Variants in CYRIB observed in about 807,000 individuals in gnomAD.
The protein encoded by CYRIB is CYFIP related Rac1 interactor B.
Under a neutral mutation model 44.2 loss-of-function variants are expected in CYRIB, and 8 were observed. The ratio of observed to expected loss-of-function variants is 0.18; its 90% CI spans 0.11 to 0.33. CYRIB has a LOEUF of 0.33. Ranked by LOEUF, CYRIB falls within the 10% of genes least tolerant of loss-of-function variation. CYRIB has a pLI of 1.00. For missense variants in CYRIB, 185 were observed against 382.8 expected, an observed-to-expected ratio of 0.48 and a Z score of 4.31; for synonymous variants, 131 against 127.2, an observed-to-expected ratio of 1.03 and a Z score of -0.20.
chr8:129,986,596 G>C (rs1047330070), intron 1 of CYRIB, among the ~76,000 whole-genome samples: 1 of 152,144 alleles, frequency 6.6e-6, no homozygotes, highest in Non-Finnish European at 1.5e-5. Flanking sequence ...AAGAGGAAGA[G>C]AGACCTGAGC....
intron 2 of CYRIB, among the ~76,000 whole-genome samples, chr8:129,896,510 A>T (rs1232913238): frequency 6.6e-6 from 1 of 152,236 alleles, no homozygotes; most frequent in Non-Finnish European, 1.5e-5. Context: ...GGTGTTTCCC[A>T]TGTTCTTATG....
At chr8:129,956,682 T>C (rs1288501647) in intron 2 of CYRIB, among the ~76,000 whole-genome samples, 2 of 152,180 alleles carry the variant, frequency 1.3e-5, no homozygotes, top group African/African-American at 4.8e-5. Context: ...AACCAATTGA[T>C]CACCCCTGCA....
intron 1 of CYRIB, among the ~76,000 whole-genome samples, chr8:129,905,376 C>A (rs1314838052): frequency 6.6e-6 from 1 of 152,178 alleles, no homozygotes; most frequent in Admixed American, 6.5e-5. Context: ...TGCCACCATT[C>A]CCCGCTAATT....
chr8:129,950,898 C>T (rs1424155084), intron 2 of CYRIB, among the ~76,000 whole-genome samples: 1 of 152,202 alleles, frequency 6.6e-6, no homozygotes, highest in Non-Finnish European at 1.5e-5. Context: ...TGCTTTGCTA[C>T]TTGGGGGCAG....
chr8:129,943,802 T>C (rs2093929807), upstream of CYRIB, among the ~76,000 whole-genome samples: 1 of 148,598 alleles, frequency 6.7e-6, no homozygotes, highest in Non-Finnish European at 1.5e-5. Context: ...GGTTTCACCG[T>C]GTTAGCCAGG....
chr8:129,867,852 T>G (rs2054652215), intron 4 of CYRIB, among the ~76,000 whole-genome samples: 1 of 152,216 alleles, frequency 6.6e-6, no homozygotes, highest in Admixed American at 6.5e-5. Flanking sequence ...TATAAGTACC[T>G]GGTGCAAGAG....
chr8:129,943,931 A>T (rs1239100879), upstream of CYRIB, among the ~76,000 whole-genome samples: 1 of 131,500 alleles, frequency 7.6e-6, no homozygotes, highest in Non-Finnish European at 1.6e-5. Flanking sequence ...AAAAAAAAAA[A>T]AGAATGAGAC....
At chr8:129,876,476 C>A (rs962976290) in intron 3 of CYRIB, among the ~76,000 whole-genome samples, 2 of 152,126 alleles carry the variant, frequency 1.3e-5, no homozygotes, top group African/African-American at 4.8e-5. Flanking sequence ...GCAACCCCAG[C>A]ACCTACTGGC....
At chr8:129,921,390 C>T (rs16904176) in intron 1 of CYRIB, among the ~76,000 whole-genome samples, 2,123 of 152,254 alleles carry the variant, frequency 0.014, 46 homozygotes, top group African/African-American at 0.048. Flanking sequence ...GAGTGTATGT[C>T]CTCTCCTATG....
At chr8:130,012,875 T>C (rs76520337) in intron 1 of CYRIB, among the ~76,000 whole-genome samples, 4 of 152,306 alleles carry the variant, frequency 2.6e-5, no homozygotes, top group East Asian at 3.9e-4. Context: ...AAAGACTTAA[T>C]TGCCAAAGTT....
intron 4 of CYRIB, chr8:129,865,066 A>G (rs916643440): frequency 6.3e-5 from 10 of 159,070 alleles, no homozygotes; most frequent in Non-Finnish European, 1.1e-4. Context: ...CACCACTAAT[A>G]TATGTTTGTA....
At chr8:129,871,639 CTAA>C in intron 3 of CYRIB, 143 bp from the exon 6 acceptor site, 1 of 804,552 alleles carries the variant, frequency 1.2e-6, no homozygotes, top group South Asian at 1.8e-5. Context: ...AAAGAAAAGA[CTAA>C]TACTTTTTCC....
intron 1 of CYRIB, among the ~76,000 whole-genome samples, chr8:129,938,120 A>AT (rs935010620): frequency 4.6e-5 from 7 of 151,766 alleles, no homozygotes; most frequent in Non-Finnish European, 8.8e-5. Context: ...TGAAAGTCAC[A>AT]TGAAAAAAAA....
intron 5 of CYRIB, among the ~76,000 whole-genome samples, chr8:129,861,392 T>C (rs577855457): frequency 6.6e-6 from 1 of 152,212 alleles, no homozygotes; most frequent in Non-Finnish European, 1.5e-5. Context: ...GAACTCTTTT[T>C]GCTTTAATAA....
chr8:129,893,197 T>C (rs2066241514), intron 2 of CYRIB, among the ~76,000 whole-genome samples: 1 of 152,224 alleles, frequency 6.6e-6, no homozygotes. Context: ...AATGTATCAT[T>C]ATATAAGCCT....
intron 1 of CYRIB, among the ~76,000 whole-genome samples, chr8:129,915,756 C>T (rs1029174239): frequency 3.3e-5 from 5 of 152,142 alleles, no homozygotes; most frequent in Non-Finnish European, 7.4e-5. Flanking sequence ...TTGCCACAAC[C>T]CACTAAATTT....
At chr8:129,845,334 G>C (rs1283882686) in intron 11 of CYRIB, among the ~76,000 whole-genome samples, 1 of 152,164 alleles carries the variant, frequency 6.6e-6, no homozygotes, top group Non-Finnish European at 1.5e-5. Flanking sequence ...AAAGTCTTGG[G>C]AGAAAAATCA....
At chr8:129,993,931 T>C (rs2096708393) in intron 1 of CYRIB, among the ~76,000 whole-genome samples, 1 of 152,032 alleles carries the variant, frequency 6.6e-6, no homozygotes, top group Non-Finnish European at 1.5e-5. Flanking sequence ...TCCCACCATC[T>C]GGACACCATC....
intron 1 of CYRIB, among the ~76,000 whole-genome samples, chr8:129,971,563 T>C (rs2095691789): frequency 2.0e-5 from 3 of 152,212 alleles, no homozygotes. Context: ...ACCAAACTCC[T>C]ATGACTGAAG....
Sources: gnomAD v4.1 joint callset for allele counts (sites outside exome capture counted in the v4.1 genomes callset) on GRCh38, gnomAD v4.1.1 for gene constraint, MANE v1.5 for transcripts, NCBI Gene and HGNC (gene_info 2026-07-23, HGNC 2026-07-21) for gene names.